DERL1: variants seen among roughly 807,000 people sequenced by gnomAD.
DERL1 encodes derlin 1.
A neutral mutation model predicts 41.6 loss-of-function variants in DERL1; 24 were observed. The observed-to-expected ratio is 0.58, with a 90% CI of 0.42 to 0.81. DERL1 has a LOEUF of 0.81. Among genes scored for constraint, DERL1 ranks in the 30% least tolerant of loss-of-function variants. The pLI is 0.00. For missense variants in DERL1, 260 were observed against 314.3 expected, an observed-to-expected ratio of 0.83 and a Z score of 1.31; for synonymous variants, 124 against 112.5, an observed-to-expected ratio of 1.10 and a Z score of -0.65.
chr8:123,024,939 A>G, intron 3 of DERL1, 47 bp downstream of exon 3: 12 of 1,595,888 alleles, frequency 7.5e-6, no homozygotes, highest in Non-Finnish European at 1.0e-5. Flanking sequence ...CCAAACCTGG[A>G]AAAAAACTGG....
At chr8:123,028,063 C>CAAAA (rs35730113) in intron 2 of DERL1, among the ~76,000 whole-genome samples, 4 of 101,272 alleles carry the variant, frequency 3.9e-5, no homozygotes, top group Non-Finnish European at 8.2e-5. Flanking sequence ...AACTGTATCT[C>CAAAA]AAAAAAAAAA....
intron 2 of DERL1, among the ~76,000 whole-genome samples, chr8:123,030,032 C>G (rs1343320320): frequency 1.3e-5 from 2 of 151,140 alleles, no homozygotes; most frequent in Non-Finnish European, 2.9e-5. Context: ...TGCACTCCAG[C>G]CTGGGCAACG....
intron 1 of DERL1, among the ~76,000 whole-genome samples, chr8:123,037,410 T>C (rs1290400883): frequency 1.3e-5 from 2 of 152,188 alleles, no homozygotes; most frequent in Non-Finnish European, 2.9e-5. Flanking sequence ...GTGCATCGTA[T>C]AATCAATGGA....
At chr8:123,028,988 A>T (rs1367640967) in intron 2 of DERL1, among the ~76,000 whole-genome samples, 2 of 151,950 alleles carry the variant, frequency 1.3e-5, no homozygotes, top group Non-Finnish European at 2.9e-5. Flanking sequence ...AGATCACTTG[A>T]ACCCCGGCAG....
chr8:123,033,600 G>A lies in DERL1; in HGVS notation c.154-2884C>T, dbSNP rs978260210. On this transcript the variant is annotated intron_variant, in intron 1 of 7. Coordinates refer to ENST00000259512, the MANE Select transcript of DERL1 (RefSeq NM_024295.6). ...CTCTACTAAAAACACAAAATTAGCC[G>A]GGCGTGGTGGCACATGCCTGTAATC... Among the ~76,000 whole-genome samples the A allele has an allele frequency of 1.6e-4, 24 of 152,258 alleles. 1 individual carries two copies. Among genetic ancestry groups the A allele is most frequent in the African/African-American group, 4.8e-4 (20 of 41,542 alleles).
chr8:123,039,802 C>T (rs1330730605), intron 1 of DERL1, among the ~76,000 whole-genome samples: 1 of 152,234 alleles, frequency 6.6e-6, no homozygotes, highest in Non-Finnish European at 1.5e-5. Context: ...AATATATAAG[C>T]ACCTACTACG....
At chr8:123,041,853 C>T in intron 1 of DERL1, 117 bp downstream of exon 1, 1 of 1,381,226 alleles carries the variant, frequency 7.2e-7, no homozygotes, top group Non-Finnish European at 9.5e-7. Flanking sequence ...CCGCCGGCGC[C>T]GGACCCACTA....
intron 7 of DERL1, chr8:123,018,560 T>C (rs1428205942): frequency 6.6e-6 from 1 of 152,198 alleles, no homozygotes; most frequent in African/African-American, 2.4e-5. Flanking sequence ...ACTTTCCCAG[T>C]ATAAAAACTG....
intron 4 of DERL1, among the ~76,000 whole-genome samples, chr8:123,023,412 G>A (rs559083811): frequency 2.8e-4 from 42 of 152,120 alleles, no homozygotes; most frequent in African/African-American, 8.4e-4. Context: ...AAAATTAGCC[G>A]GGTGTGGTGG....
At chr8:123,021,187 A>G (rs923740449) in intron 6 of DERL1, among the ~76,000 whole-genome samples, 2 of 152,208 alleles carry the variant, frequency 1.3e-5, no homozygotes, top group African/African-American at 4.8e-5. Context: ...CCAGAAATAC[A>G]TATTTATTCC....
chr8:123,020,456 G>A (rs534014891), intron 6 of DERL1, among the ~76,000 whole-genome samples: 6 of 152,028 alleles, frequency 3.9e-5, no homozygotes, highest in South Asian at 2.1e-4. Flanking sequence ...CTCCAACCTC[G>A]GTGACAGAGC....
At chr8:123,016,616 C>T (rs543693480) in intron 7 of DERL1, 1 of 152,308 alleles carries the variant, frequency 6.6e-6, no homozygotes, top group South Asian at 2.1e-4. Context: ...ATTACTATTA[C>T]TCCTGTTTTA....
intron 1 of DERL1, among the ~76,000 whole-genome samples, chr8:123,037,405 T>C (rs1204422910): frequency 6.6e-6 from 1 of 152,198 alleles, no homozygotes; most frequent in East Asian, 1.9e-4. Flanking sequence ...TGATGGTGCA[T>C]CGTATAATCA....
intron 1 of DERL1, among the ~76,000 whole-genome samples, chr8:123,034,983 GGT>G (rs1438665518): frequency 6.6e-6 from 1 of 152,102 alleles, no homozygotes; most frequent in Non-Finnish European, 1.5e-5. Context: ...AATATGTGTG[GGT>G]GTGTTAATTG....
intron 1 of DERL1, among the ~76,000 whole-genome samples, chr8:123,034,066 G>A (rs1206861202): frequency 6.6e-6 from 1 of 152,192 alleles, no homozygotes; most frequent in African/African-American, 2.4e-5. Context: ...GGGACATGTG[G>A]ACTTGTTACA....
intron 2 of DERL1, 113 bp from the exon 3 acceptor site, chr8:123,025,163 A>G: frequency 1.9e-6 from 2 of 1,071,480 alleles, no homozygotes; most frequent in Non-Finnish European, 2.7e-6. Context: ...GAACATTTTA[A>G]AAACCACTCC....
intron 1 of DERL1, among the ~76,000 whole-genome samples, chr8:123,037,350 A>G (rs1164197706): frequency 6.6e-6 from 1 of 152,206 alleles, no homozygotes; most frequent in Non-Finnish European, 1.5e-5. Flanking sequence ...ACACTCGTTG[A>G]ATGTAATTTC....
rs375373458 is a variant in DERL1, at chr8:123,014,561, A to G, written c.*886T>C. 93 of 152,740 alleles carry G rather than the reference A, an allele frequency of 6.1e-4. No individual in the cohort carries two copies. The highest frequency in any genetic ancestry group is 2.1e-3 in the African/African-American group (88 of 41,574). 9.5% of individuals were successfully genotyped at this position (152,740 alleles called of 1,614,324 possible). A position where few individuals can be genotyped will look rare whatever the true frequency, so the allele number is the denominator to read the frequency against. On this transcript the variant is annotated 3_prime_UTR_variant, in exon 8 of 8. Transcript: ENST00000259512. ...TCAAAGAGAGCATCTCCCTGTAGCC[A>G]ACATGATCTGGATCCTCCTAACACA...
rs2294087 is a variant in DERL1 at position 123,041,535 on chromosome 8, C to T, written c.153+435G>A. Among the ~76,000 whole-genome samples the T allele has an allele frequency of 6.3e-3, 955 of 152,306 alleles. 7 individuals are homozygous for T. Among genetic ancestry groups the T allele is most frequent in the Middle Eastern group, 0.031 (9 of 294 alleles). ...CTATAGGAAAACCAAAACAAAAAAA[C>T]TCCATAAACGTGAAAGGAACTCAGC... On this transcript the variant is annotated intron_variant, in intron 1 of 7. Coordinates refer to ENST00000259512, the MANE Select transcript of DERL1 (RefSeq NM_024295.6).
Sources: gnomAD v4.1 joint callset for allele counts (sites outside exome capture counted in the v4.1 genomes callset) on GRCh38, gnomAD v4.1.1 for gene constraint, MANE v1.5 for transcripts, NCBI Gene and HGNC (gene_info 2026-07-23, HGNC 2026-07-21) for gene names.